ABCC1: variants seen among roughly 807,000 people sequenced by gnomAD.
The protein encoded by ABCC1 is ATP binding cassette subfamily C member 1 (ABCC1 blood group).
Under a neutral mutation model 172.9 loss-of-function variants are expected in ABCC1, and 83 were observed. The ratio of observed to expected loss-of-function variants is 0.48; its 90% CI spans 0.40 to 0.58. ABCC1 has a LOEUF of 0.58. ABCC1 is among the 20% of genes least tolerant of loss of function. The pLI is 0.00. For missense variants in ABCC1, 1,817 were observed against 2,002.7 expected, an observed-to-expected ratio of 0.91 and a Z score of 1.77; for synonymous variants, 937 against 825.2, an observed-to-expected ratio of 1.14 and a Z score of -2.32.
intron 28 of ABCC1, 117 bp downstream of exon 28, chr16:16,134,625 CTTTTTTTT>C (rs67073334): frequency 2.8e-3 from 1,002 of 354,378 alleles, no homozygotes; most frequent in East Asian, 5.4e-3. Context: ...CTTCATCGTT[CTTTTTTTT>C]TTTTTTTTTT....
chr16:16,046,086 G>T, intron 9 of ABCC1, 73 bp downstream of exon 9: 1 of 1,523,906 alleles, frequency 6.6e-7, no homozygotes, highest in Non-Finnish European at 8.9e-7. Flanking sequence ...TTACTCTGGG[G>T]CCAGCGTGGG....
Position 15,967,776 on chromosome 16 carries a change from C to CA in ABCC1, c.48+17987dup, listed in dbSNP as rs61642630. Among the ~76,000 whole-genome samples, 299 of 101,672 alleles carry CA rather than the reference C, an allele frequency of 2.9e-3. 1 individual carries two copies. Among genetic ancestry groups the CA allele is most frequent in the African/African-American group, 7.4e-3 (225 of 30,410 alleles). The allele number at this position is 101,672 out of a possible 152,430, so 66.7% of individuals were successfully genotyped here. The stretch of plus-strand genomic sequence containing the variant: ...CTGTCTCCAAAAAAAAAAAAAACAA[C>CA]AAAAAAAAAACTTGTTTAACTACCT... On this transcript the variant is annotated intron_variant, in intron 1 of 30. Transcript: ENST00000399410.
intron 1 of ABCC1, among the ~76,000 whole-genome samples, chr16:15,953,785 A>G (rs2045928638): frequency 6.6e-6 from 1 of 152,144 alleles, no homozygotes; most frequent in Non-Finnish European, 1.5e-5. Context: ...CCCCCTGAAT[A>G]TCTGACTTAG....
In ABCC1 at chr16:16,122,059, T is replaced by C. The variant is rs200408394; in HGVS notation, c.3475T>C (p.Leu1159=). The C allele has an allele frequency of 6.2e-7, 1 of 1,614,206 alleles. No individual in the cohort carries two copies. The highest frequency in any genetic ancestry group is 8.5e-7 in the Non-Finnish European group (1 of 1,180,028). The change falls in exon 24 of 31, where the codon TTG becomes CTG. Residue 1159 remains leucine (L), a synonymous_variant. Coordinates refer to ENST00000399410, the MANE Select transcript of ABCC1 (RefSeq NM_004996.4). ...GGTCTATTCCCATTTCAACGAGACC[T>C]TGCTGGGGGTCAGCGTCATTCGAGC... ...SPVYSHFNET[L]LGVSVIRAFE... is the part of the protein sequence containing the mutation.
At chr16:16,122,553 C>A (rs1486749262) in intron 24 of ABCC1, among the ~76,000 whole-genome samples, 2 of 152,012 alleles carry the variant, frequency 1.3e-5, no homozygotes, top group African/African-American at 4.8e-5. Context: ...GTGTCAGAAG[C>A]AATTTACTAA....
intron 5 of ABCC1, among the ~76,000 whole-genome samples, chr16:16,017,936 A>G (rs2048061703): frequency 6.6e-6 from 1 of 152,144 alleles, no homozygotes; most frequent in African/African-American, 2.4e-5. Context: ...GAACAGCAAG[A>G]AAAGCCAGCA....
At chr16:15,993,404 A>G (rs976717105) in intron 1 of ABCC1, among the ~76,000 whole-genome samples, 1 of 152,194 alleles carries the variant, frequency 6.6e-6, no homozygotes, top group African/African-American at 2.4e-5. Flanking sequence ...CCCATTTCAC[A>G]GATGAAGAAA....
At position 16,048,327 on chromosome 16, in the gene ABCC1, T is replaced by C. The variant is rs781648566; in HGVS notation, c.1380+24T>C. 27 of 1,612,316 alleles carry C rather than the reference T, an allele frequency of 1.7e-5. No individual in the cohort carries two copies. In the East Asian group the frequency reaches 5.6e-4, roughly 33 times the overall value. On this transcript the variant is annotated intron_variant, in intron 10 of 30. Transcript: ENST00000399410. The stretch of plus-strand genomic sequence containing the variant: ...TGGTGTGTGTTTAACGCCGTTTCCC[T>C]TTGCATGCAGGGAGGGACTTCTACG...
intron 5 of ABCC1, among the ~76,000 whole-genome samples, chr16:16,030,025 C>T (rs1415040347): frequency 6.6e-6 from 1 of 152,152 alleles, no homozygotes; most frequent in Admixed American, 6.5e-5. Context: ...TCTTTGATCA[C>T]TGATCACTCT....
At chr16:15,952,708 G>C (rs2045900955) in intron 1 of ABCC1, among the ~76,000 whole-genome samples, 1 of 94,660 alleles carries the variant, frequency 1.1e-5, no homozygotes. Flanking sequence ...GACTTTTTGT[G>C]AGTTCATTAA....
chr16:16,045,128 G>T (rs45565339), intron 8 of ABCC1, among the ~76,000 whole-genome samples: 4 of 152,040 alleles, frequency 2.6e-5, no homozygotes, highest in Admixed American at 6.6e-5. Flanking sequence ...AGGGTTGGGC[G>T]CAGTGGCTCA....
At chr16:16,057,064 G>C (rs1567356239) in intron 12 of ABCC1, among the ~76,000 whole-genome samples, 1 of 151,902 alleles carries the variant, frequency 6.6e-6, no homozygotes, top group Non-Finnish European at 1.5e-5. Context: ...ATTTTGGGCT[G>C]GGTGCGGTGG....
intron 24 of ABCC1, among the ~76,000 whole-genome samples, chr16:16,124,337 G>GTGTATGTA (rs1555502570): frequency 8.1e-6 from 1 of 122,812 alleles, no homozygotes; most frequent in Non-Finnish European, 1.7e-5. Context: ...GTGTGTGTGT[G>GTGTATGTA]TGTGTGTGTG....
chr16:16,063,366 C>T (rs2049991377), intron 12 of ABCC1, among the ~76,000 whole-genome samples: 1 of 152,154 alleles, frequency 6.6e-6, no homozygotes, highest in Non-Finnish European at 1.5e-5. Flanking sequence ...CCTCGGCCTC[C>T]CAAAGTGCTG....
intron 7 of ABCC1, 36 bp from the exon 8 acceptor site, chr16:16,044,414 C>G (rs761504917): frequency 1.3e-6 from 2 of 1,581,822 alleles, no homozygotes; most frequent in South Asian, 2.2e-5. Context: ...GCATCTCTGG[C>G]AGACCCCACA....
chr16:15,974,272 C>T lies in ABCC1; in HGVS notation c.48+24473C>T, dbSNP rs555852502. Among the ~76,000 whole-genome samples the T allele has an allele frequency of 5.9e-5, 9 of 152,254 alleles. No homozygotes were observed. The East Asian group carries it at 1.5e-3, about 26-fold the overall frequency. On this transcript the variant is annotated intron_variant, in intron 1 of 30. Transcript: ENST00000399410. ...TCTGCCTCGGTTTGGCAAAAACAAACCTGGCCTGGGCATGGGCCTTGTGGA... is the reference window on the plus strand; with the variant it reads ...TCTGCCTCGGTTTGGCAAAAACAAATCTGGCCTGGGCATGGGCCTTGTGGA...
chr16:16,122,387 G>A (rs2045208795), intron 24 of ABCC1, among the ~76,000 whole-genome samples: 1 of 152,158 alleles, frequency 6.6e-6, no homozygotes, highest in African/African-American at 2.4e-5. Context: ...GCATTTAAGT[G>A]CAGGGACACA....
At chr16:16,033,546 A>G (rs1004208419) in intron 6 of ABCC1, among the ~76,000 whole-genome samples, 1 of 152,096 alleles carries the variant, frequency 6.6e-6, no homozygotes, top group Non-Finnish European at 1.5e-5. Context: ...ATACTGTCTC[A>G]CCACAGGAAG....
chr16:16,049,793 C>G (rs1050501557), intron 10 of ABCC1, among the ~76,000 whole-genome samples: 1 of 152,116 alleles, frequency 6.6e-6, no homozygotes, highest in African/African-American at 2.4e-5. Flanking sequence ...AAGCAATTCT[C>G]CTACCTCAGT....
Sources: allele counts gnomAD v4.1 joint callset (sites outside exome capture counted in the v4.1 genomes callset), GRCh38; gene constraint gnomAD v4.1.1; transcripts MANE v1.5; gene names NCBI Gene and HGNC (gene_info 2026-07-23, HGNC 2026-07-21).